PPA1: variants seen among roughly 807,000 people sequenced by gnomAD.
PPA1 encodes the protein inorganic pyrophosphatase 1, also known as inorganic pyrophosphatase.
Under a neutral mutation model 41.8 loss-of-function variants are expected in PPA1, and 23 were observed. The ratio of observed to expected loss-of-function variants is 0.55; its 90% CI spans 0.40 to 0.78. The LOEUF (loss-of-function observed/expected upper bound fraction) is 0.78, where lower values mean the gene tolerates loss of function less well. Among genes scored for constraint, PPA1 ranks in the 30% least tolerant of loss-of-function variants. The probability of loss-of-function intolerance (pLI) is 0.00; values close to 1 mark genes in which losing one functional copy is unlikely to be tolerated. For missense variants in PPA1, 320 were observed against 361.6 expected (o/e 0.89, Z 0.93); for synonymous variants, 101 against 116.8 (o/e 0.86, Z 0.87).
At chr10:70,204,770 A>G (rs1839918371) in intron 10 of PPA1, 103 bp downstream of exon 10, 1 of 957,512 alleles carries the variant, frequency 1.0e-6, no homozygotes, top group African/African-American at 1.7e-5. Context: ...CACTGTACCC[A>G]TAAATATATT....
intron 4 of PPA1, among the ~76,000 whole-genome samples, chr10:70,216,993 C>T (rs1418721671): frequency 6.6e-6 from 1 of 151,996 alleles, no homozygotes; most frequent in African/African-American, 2.4e-5. Flanking sequence ...CAGTGAACCC[C>T]GTCTCCACTA....
Position 70,220,809 on chromosome 10 carries a change from ATT to A in PPA1, c.124-1994_124-1993del, listed in dbSNP as rs1374839653. The stretch of plus-strand genomic sequence containing the variant: ...AATTTATATATATATAATATATATA[ATT>A]TTTATATATATTATATATATAATTT... On this transcript the variant is annotated intron_variant, in intron 2 of 10. Coordinates refer to ENST00000373232, the MANE Select transcript of PPA1 (RefSeq NM_021129.4). Among the ~76,000 whole-genome samples, 41 of 34,384 alleles carry A rather than the reference ATT, an allele frequency of 1.2e-3. 7 individuals are homozygous for A. The highest frequency in any genetic ancestry group is 5.2e-3 in the African/African-American group (35 of 6,772). The allele number at this position is 34,384 out of a possible 152,430, so 22.6% of individuals were successfully genotyped here.
intron 5 of PPA1, among the ~76,000 whole-genome samples, chr10:70,214,261 C>T (rs1840053263): frequency 6.6e-6 from 1 of 152,164 alleles, no homozygotes; most frequent in African/African-American, 2.4e-5. Context: ...AGAACATGTC[C>T]AGTTCTTCTA....
At chr10:70,222,046 T>C (rs1840176070) in intron 2 of PPA1, among the ~76,000 whole-genome samples, 1 of 152,026 alleles carries the variant, frequency 6.6e-6, no homozygotes. Context: ...AGAAATTAGC[T>C]GGGTGAGGCC....
At chr10:70,209,769 A>G in intron 6 of PPA1, 84 bp from the exon 7 acceptor site, 4 of 1,423,226 alleles carry the variant, frequency 2.8e-6, no homozygotes, top group Non-Finnish European at 3.9e-6. Flanking sequence ...CAAGATGCAC[A>G]AATAATTATA....
intron 8 of PPA1, 109 bp downstream of exon 8, chr10:70,209,096 G>A (rs1021057767): frequency 2.7e-5 from 20 of 750,368 alleles, no homozygotes; most frequent in Non-Finnish European, 4.1e-5. Context: ...ACCCAGCCTT[G>A]TATCTCTTTT....
At chr10:70,216,973 C>G (rs947050523) in intron 4 of PPA1, among the ~76,000 whole-genome samples, 2 of 152,196 alleles carry the variant, frequency 1.3e-5, no homozygotes, top group African/African-American at 4.8e-5. Flanking sequence ...TCGAGACCAT[C>G]TGGCTAACAC....
At chr10:70,233,180 G>A in intron 1 of PPA1, 84 bp downstream of exon 1, 1 of 1,423,558 alleles carries the variant, frequency 7.0e-7, no homozygotes, top group East Asian at 2.9e-5. Flanking sequence ...GGGGCCGAGC[G>A]CGGGCCGCAC....
chr10:70,226,545 T>C (rs1219878278), intron 2 of PPA1, among the ~76,000 whole-genome samples: 2 of 151,748 alleles, frequency 1.3e-5, no homozygotes, highest in Non-Finnish European at 2.9e-5. Flanking sequence ...AGTGAGACCC[T>C]GTCTTAAAAA....
chr10:70,217,686 CTTA>C, intron 4 of PPA1, 123 bp downstream of exon 4: 1 of 765,118 alleles, frequency 1.3e-6, no homozygotes. Context: ...ATTATCCCTT[CTTA>C]TGTTTTCAAA....
chr10:70,225,369 C>T (rs1840218273), intron 2 of PPA1, among the ~76,000 whole-genome samples: 1 of 152,028 alleles, frequency 6.6e-6, no homozygotes, highest in Non-Finnish European at 1.5e-5. Flanking sequence ...CCACCACACC[C>T]AGCTAATTTT....
chr10:70,218,718 A>G, intron 3 of PPA1, 46 bp downstream of exon 3: 1 of 1,485,982 alleles, frequency 6.7e-7, no homozygotes, highest in Non-Finnish European at 9.4e-7. Context: ...TGACTAGATC[A>G]AAACCAATAT....
At chr10:70,232,110 T>C (rs1840295182) in intron 1 of PPA1, among the ~76,000 whole-genome samples, 1 of 152,244 alleles carries the variant, frequency 6.6e-6, no homozygotes, top group African/African-American at 2.4e-5. Context: ...TCCTGGATTT[T>C]ACCTGATAGT....
chr10:70,225,926 G>A (rs1840224910), intron 2 of PPA1, among the ~76,000 whole-genome samples: 2 of 152,116 alleles, frequency 1.3e-5, no homozygotes, highest in South Asian at 2.1e-4. Context: ...GTATTTCATC[G>A]AAAGTGACAG....
intron 2 of PPA1, among the ~76,000 whole-genome samples, chr10:70,226,395 A>T (rs759517949): frequency 1.3e-5 from 2 of 151,978 alleles, no homozygotes; most frequent in Non-Finnish European, 2.9e-5. Context: ...GCCTGTCTCT[A>T]CCAATACAAA....
In PPA1 at chr10:70,206,307, G is replaced by C. The variant is rs778925878; in HGVS notation, c.752C>G (p.Pro251Arg). Residue 251 changes from proline (P) to arginine (R), a missense_variant, in exon 9 of 11, where the codon CCC becomes CGC. Transcript: ENST00000373232. ...GGCAGCATCAGGATCACACTTGAAG[G>C]GGCTCTCAGACAAAGTTGTATTCAT... The part of the protein sequence containing the change: ...SCMNTTLSES[P>R]FKCDPDAARA... The C allele has an allele frequency of 5.6e-6, 9 of 1,612,692 alleles. No individual in the cohort carries two copies. Among genetic ancestry groups the C allele is most frequent in the Non-Finnish European group, 6.8e-6 (8 of 1,179,066 alleles).
chr10:70,213,043 A>G (rs1346119843), intron 6 of PPA1, among the ~76,000 whole-genome samples: 8 of 152,198 alleles, frequency 5.3e-5, no homozygotes, highest in Admixed American at 2.0e-4. Flanking sequence ...CCATGGATAC[A>G]GGATTTCCTC....
At position 70,209,802 on chromosome 10, in the gene PPA1, C is replaced by T. The variant is rs1011204156; in HGVS notation, c.512-117G>A. 17 of 1,230,498 alleles carry T rather than the reference C, an allele frequency of 1.4e-5. No homozygotes were observed. In the African/African-American group the frequency reaches 2.6e-4, roughly 19 times the overall value. The allele number at this position is 1,230,498 out of a possible 1,614,324, so 76.2% of individuals were successfully genotyped here. A position where few individuals can be genotyped will look rare whatever the true frequency, so the allele number is the denominator to read the frequency against. ...ATACACTCAACAAAAATTCCAAGTA[C>T]TTATTTTGAAAGAGCTGTGGAATGA... On this transcript the variant is annotated intron_variant, in intron 6 of 10. Coordinates refer to ENST00000373232, the MANE Select transcript of PPA1 (RefSeq NM_021129.4).
At chr10:70,209,314 T>C (rs1245406474) in intron 7 of PPA1, 24 bp from the exon 8 acceptor site, 1 of 1,509,730 alleles carries the variant, frequency 6.6e-7, no homozygotes, top group Non-Finnish European at 9.1e-7. Context: ...AGGTTTGCAT[T>C]ACAATGATAA....
Sources: allele counts gnomAD v4.1 joint callset (sites outside exome capture counted in the v4.1 genomes callset), GRCh38; gene constraint gnomAD v4.1.1; transcripts MANE v1.5; gene names NCBI Gene and HGNC (gene_info 2026-07-23, HGNC 2026-07-21).